ELAVL4: variants seen among roughly 807,000 people sequenced by gnomAD.
The protein encoded by ELAVL4 is ELAV like RNA binding protein 4.
ELAVL4 carries 1 observed loss-of-function variant against 35.6 expected under a neutral mutation model. The observed-to-expected ratio is 0.03, with a 90% confidence interval of 0.01 to 0.13. The LOEUF is 0.13. Ranked by LOEUF, ELAVL4 falls within the 10% of genes least tolerant of loss-of-function variation. ELAVL4 has a pLI of 1.00. For synonymous variants in ELAVL4, 156 were observed against 171.0 expected (o/e 0.91, Z 0.69); for missense variants, 267 against 464.9 (o/e 0.57, Z 3.91).
At chr1:50,098,952 G>A (rs999249886), upstream of ELAVL4, among the ~76,000 whole-genome samples, 9 of 152,170 alleles carry the variant, frequency 5.9e-5, no homozygotes, top group African/African-American at 2.2e-4. Context: ...CCTGACCACT[G>A]AAAGAAAAGC....
At chr1:50,088,161 T>C (rs770807577) in intron 1 of ELAVL4, among the ~76,000 whole-genome samples, 10 of 152,184 alleles carry the variant, frequency 6.6e-5, no homozygotes, top group Non-Finnish European at 1.0e-4. Context: ...ACATCCTGGC[T>C]CACAAATGAA....
rs1174557035 is a variant in ELAVL4 at position 50,202,683 on chromosome 1, A to G, written c.*1505A>G. The G allele has an allele frequency of 1.3e-5, 2 of 152,020 alleles. No individual in the cohort carries two copies. Among genetic ancestry groups the G allele is most frequent in the African/African-American group, 2.4e-5 (1 of 41,446 alleles). 9.4% of individuals were successfully genotyped at this position (152,020 alleles called of 1,614,324 possible). ...GTATATACAATATAAATATATATATATAAAGTTATTTTTTCTTTGGGTTAA... is the reference window on the plus strand; with the variant it reads ...GTATATACAATATAAATATATATATGTAAAGTTATTTTTTCTTTGGGTTAA... On this transcript the variant is annotated 3_prime_UTR_variant, in exon 7 of 7. Coordinates refer to ENST00000371824, the MANE Select transcript of ELAVL4 (RefSeq NM_001144774.3).
chr1:50,056,643 AG>A lies in ELAVL4; in HGVS notation c.18+8462del, dbSNP rs373062557. Among the ~76,000 whole-genome samples the A allele has an allele frequency of 2.3e-3, 352 of 152,306 alleles. 5 individuals carry two copies. Among genetic ancestry groups the A allele is most frequent in the African/African-American group, 7.9e-3 (330 of 41,576 alleles). Reference sequence around the variant, plus strand: ...TATACTATATTTTTATCATTATTTAAGAATGTACACCGGCCGGGTGAGGTGG... The same window carrying A: ...TATACTATATTTTTATCATTATTTAAAATGTACACCGGCCGGGTGAGGTGG... On this transcript the variant is annotated intron_variant, in intron 1 of 6. Coordinates refer to the ELAVL4 transcript ENST00000448907.
Position 50,119,017 on chromosome 1 carries a change from G to C in ELAVL4, c.9+9819G>C, listed in dbSNP as rs1316544073. 3.4e-5 allele frequency among the ~76,000 whole-genome samples: 4 copies of C among 119,266 alleles called. No homozygotes were observed. The East Asian group carries it at 9.4e-4, about 28-fold the overall frequency. 78.2% of individuals were successfully genotyped at this position (119,266 alleles called of 152,430 possible). On this transcript the variant is annotated intron_variant, in intron 1 of 6. Transcript: ENST00000371824. ...GAGAGACAGAGAGAAAGAAAGAAAA[G>C]AAAGGAAAGAAAGAAAGAAAAAGAA...
chr1:50,199,338 GTT>G (rs1032476401), intron 6 of ELAVL4, among the ~76,000 whole-genome samples: 2 of 152,176 alleles, frequency 1.3e-5, no homozygotes, highest in Non-Finnish European at 2.9e-5. Flanking sequence ...CTCTTCCCTA[GTT>G]TTTGCTTTCT....
intron 2 of ELAVL4, among the ~76,000 whole-genome samples, chr1:50,170,354 G>T (rs953612722): frequency 6.6e-6 from 1 of 152,096 alleles, no homozygotes; most frequent in African/African-American, 2.4e-5. Context: ...GGGACAAAAA[G>T]AAATAGCATA....
At chr1:50,065,942 A>G (rs1442446715) in intron 1 of ELAVL4, among the ~76,000 whole-genome samples, 1 of 152,172 alleles carries the variant, frequency 6.6e-6, no homozygotes, top group African/African-American at 2.4e-5. Context: ...ACAGCTGGGC[A>G]GGGTACCAAG....
upstream of ELAVL4, among the ~76,000 whole-genome samples, chr1:50,104,969 C>T (rs1386512204): frequency 6.6e-6 from 1 of 152,144 alleles, no homozygotes; most frequent in East Asian, 1.9e-4. Context: ...CGAGGCAGAT[C>T]TTCGGGAAAA....
chr1:50,082,286 A>C (rs1572145453), intron 1 of ELAVL4, among the ~76,000 whole-genome samples: 1 of 151,830 alleles, frequency 6.6e-6, no homozygotes, highest in Non-Finnish European at 1.5e-5. Context: ...ACTAATTTAC[A>C]CTCCTACCAT....
At position 50,197,283 on chromosome 1, in the gene ELAVL4, G is replaced by A. The variant is rs529020912; in HGVS notation, c.735-146G>A. 199 of 664,030 alleles carry A rather than the reference G, an allele frequency of 3.0e-4. No homozygotes were observed. The African/African-American group carries it at 3.4e-3, about 11-fold the overall frequency. The allele number at this position is 664,030 out of a possible 1,614,324, so 41.1% of individuals were successfully genotyped here. ...CTTGCAGTTAGAGACAGAAAAGGGGGAAACTACCGGTGGATAGACTCCTAA... is the reference window on the plus strand; with the variant it reads ...CTTGCAGTTAGAGACAGAAAAGGGGAAAACTACCGGTGGATAGACTCCTAA... On this transcript the variant is annotated intron_variant, in intron 5 of 6. Transcript: ENST00000371824.
intron 1 of ELAVL4, among the ~76,000 whole-genome samples, chr1:50,071,846 A>C (rs1471214836): frequency 5.3e-5 from 8 of 152,254 alleles, no homozygotes; most frequent in South Asian, 2.1e-4. Context: ...GCTCCCTACC[A>C]CATAAGGGTG....
At chr1:50,164,974 C>T (rs1677483564) in intron 2 of ELAVL4, among the ~76,000 whole-genome samples, 1 of 152,152 alleles carries the variant, frequency 6.6e-6, no homozygotes, top group South Asian at 2.1e-4. Context: ...TCCCATGTTG[C>T]TCCCAGTCTA....
intron 1 of ELAVL4, among the ~76,000 whole-genome samples, chr1:50,062,064 T>C (rs746273375): frequency 6.6e-5 from 10 of 152,156 alleles, no homozygotes; most frequent in Non-Finnish European, 8.8e-5. Context: ...TTCTTCATCA[T>C]GTTTTTAACC....
At chr1:50,098,934 G>A (rs530036016), upstream of ELAVL4, among the ~76,000 whole-genome samples, 3 of 152,308 alleles carry the variant, frequency 2.0e-5, no homozygotes, top group South Asian at 2.1e-4. Flanking sequence ...TAAGGCAGAA[G>A]GGAAGTGCCT....
intron 3 of ELAVL4, among the ~76,000 whole-genome samples, chr1:50,190,747 G>A (rs1299188845): frequency 1.3e-5 from 2 of 152,150 alleles, no homozygotes; most frequent in Non-Finnish European, 2.9e-5. Flanking sequence ...TCCCTGGCAG[G>A]GTTCACCCTG....
chr1:50,145,627 G>C (rs1673574352), intron 2 of ELAVL4, among the ~76,000 whole-genome samples: 1 of 152,184 alleles, frequency 6.6e-6, no homozygotes, highest in Non-Finnish European at 1.5e-5. Context: ...GGCCACTGTG[G>C]ATGTGTGGAC....
chr1:50,108,875 G>T, upstream of ELAVL4: 1 of 1,030,830 alleles, frequency 9.7e-7, no homozygotes, highest in Non-Finnish European at 1.2e-6. Flanking sequence ...TCCAGGCTTC[G>T]GCTGACAGAT....
In ELAVL4 at chr1:50,120,379, A is replaced by G. The variant is rs537260768; in HGVS notation, c.9+11181A>G. 4.2e-4 allele frequency among the ~76,000 whole-genome samples: 64 copies of G among 152,158 alleles called. 1 individual carries two copies. Among genetic ancestry groups the G allele is most frequent in the African/African-American group, 1.4e-3 (60 of 41,558 alleles). On this transcript the variant is annotated intron_variant, in intron 1 of 6. Transcript: ENST00000371824. ...TAAAGGCATAGAGATGGGAACTTAC[A>G]AGGCCTACTTAAGAAACTGTAAGTA...
intron 2 of ELAVL4, among the ~76,000 whole-genome samples, chr1:50,166,542 A>G (rs1320578067): frequency 2.0e-5 from 3 of 152,156 alleles, no homozygotes; most frequent in Non-Finnish European, 2.9e-5. Context: ...TTCTGTACCC[A>G]TTTGTATTCC....
Sources: gnomAD v4.1 joint callset for allele counts (sites outside exome capture counted in the v4.1 genomes callset) on GRCh38, gnomAD v4.1.1 for gene constraint, MANE v1.5 for transcripts, NCBI Gene and HGNC (gene_info 2026-07-23, HGNC 2026-07-21) for gene names.